LRMDA: variants seen among roughly 807,000 people sequenced by gnomAD.
The protein encoded by LRMDA is leucine-rich melanocyte differentiation-associated protein.
LRMDA carries 18 observed loss-of-function variants against 29.8 expected under a neutral mutation model. The observed-to-expected ratio is 0.60, with a 90% CI of 0.42 to 0.90. The LOEUF (loss-of-function observed/expected upper bound fraction) is 0.90, where lower values mean the gene tolerates loss of function less well. Ranked by LOEUF, LRMDA falls within the 40% of genes least tolerant of loss-of-function variation. The pLI is 0.00. For missense variants in LRMDA, 273 were observed against 273.9 expected (o/e 1.00, Z 0.02); for synonymous variants, 125 against 109.4 (o/e 1.14, Z -0.89).
In LRMDA at chr10:75,943,867, G is replaced by A. The variant is rs567492426; in HGVS notation, c.132-92141G>A. Among the ~76,000 whole-genome samples the A allele has an allele frequency of 3.3e-5, 5 of 152,288 alleles. No homozygotes were observed. In the South Asian group the frequency reaches 1.0e-3, roughly 32 times the overall value. Reference sequence around the variant, plus strand: ...CTATATGCTCATGCTGCATGTGGTTGTATGCTCTGCTCTGCTGTCTCACAT... The same window carrying A: ...CTATATGCTCATGCTGCATGTGGTTATATGCTCTGCTCTGCTGTCTCACAT... On this transcript the variant is annotated intron_variant, in intron 2 of 6. Transcript: ENST00000611255.
chr10:76,173,729 C>T (rs377392615), intron 5 of LRMDA, among the ~76,000 whole-genome samples: 5 of 152,078 alleles, frequency 3.3e-5, no homozygotes, highest in Non-Finnish European at 4.4e-5. Context: ...GGTGCCATCT[C>T]GGCTCACTAC....
intron 2 of LRMDA, among the ~76,000 whole-genome samples, chr10:76,022,529 C>G (rs1323833089): frequency 1.3e-5 from 2 of 152,134 alleles, no homozygotes; most frequent in African/African-American, 4.8e-5. Flanking sequence ...GGCCAAGGCA[C>G]CATATCAGGG....
At chr10:75,909,718 G>A (rs999479666) in intron 2 of LRMDA, among the ~76,000 whole-genome samples, 11 of 152,080 alleles carry the variant, frequency 7.2e-5, no homozygotes, top group African/African-American at 2.4e-4. Flanking sequence ...TAATAATAGT[G>A]CCTATATCCT....
intron 2 of LRMDA, among the ~76,000 whole-genome samples, chr10:75,665,013 C>T (rs111656872): frequency 2.0e-5 from 3 of 152,148 alleles, no homozygotes; most frequent in Non-Finnish European, 2.9e-5. Flanking sequence ...GTGACTTTCC[C>T]TGGCCCATCC....
intron 2 of LRMDA, among the ~76,000 whole-genome samples, chr10:75,917,066 T>C (rs1845946824): frequency 6.6e-6 from 1 of 152,200 alleles, no homozygotes; most frequent in Admixed American, 6.5e-5. Context: ...TACATAAACC[T>C]AGCAACAGTT....
At chr10:75,971,044 G>A (rs1052748924) in intron 2 of LRMDA, among the ~76,000 whole-genome samples, 7 of 152,156 alleles carry the variant, frequency 4.6e-5, no homozygotes, top group African/African-American at 1.4e-4. Context: ...GACAGTAAAT[G>A]TGAAAACCAG....
At chr10:76,134,299 T>A (rs1463413380) in intron 5 of LRMDA, among the ~76,000 whole-genome samples, 2 of 152,144 alleles carry the variant, frequency 1.3e-5, no homozygotes, top group Non-Finnish European at 2.9e-5. Flanking sequence ...GGCGGTGATA[T>A]TCATGGTTTT....
chr10:76,063,507 A>G (rs1042120530), intron 5 of LRMDA, among the ~76,000 whole-genome samples: 1 of 151,750 alleles, frequency 6.6e-6, no homozygotes, highest in African/African-American at 2.4e-5. Flanking sequence ...AGTTTGTTGT[A>G]GCTTGTATAT....
At chr10:76,487,109 G>A (rs1440265322) in intron 6 of LRMDA, among the ~76,000 whole-genome samples, 4 of 151,876 alleles carry the variant, frequency 2.6e-5, no homozygotes, top group Non-Finnish European at 5.9e-5. Flanking sequence ...TGAAAGTGTG[G>A]TTCATGATCC....
Position 75,467,381 on chromosome 10 carries a change from C to T in LRMDA, c.131+28887C>T, listed in dbSNP as rs78430036. Among the ~76,000 whole-genome samples the T allele has an allele frequency of 3.1e-3, 469 of 152,326 alleles. 6 individuals are homozygous for T. The South Asian group carries it at 0.031, about 10-fold the overall frequency. Reference sequence around the variant, plus strand: ...TGGCCCCTAGTTGTCTCTGTTTATTCAGAGAGCACACACTGAGTGTCTAAG... The same window carrying T: ...TGGCCCCTAGTTGTCTCTGTTTATTTAGAGAGCACACACTGAGTGTCTAAG... On this transcript the variant is annotated intron_variant, in intron 2 of 6. Transcript: ENST00000611255.
chr10:76,411,516 G>C (rs1163907532), intron 6 of LRMDA, among the ~76,000 whole-genome samples: 1 of 152,236 alleles, frequency 6.6e-6, no homozygotes, highest in African/African-American at 2.4e-5. Flanking sequence ...TCCCTAAAGG[G>C]ACAGTCCTAT....
intron 5 of LRMDA, among the ~76,000 whole-genome samples, chr10:76,065,141 C>T (rs575004588): frequency 5.9e-5 from 9 of 152,282 alleles, no homozygotes; most frequent in Non-Finnish European, 1.3e-4. Context: ...TCACAGTTTG[C>T]ACGTTCATTT....
chr10:75,939,765 G>A (rs892607438), intron 2 of LRMDA, among the ~76,000 whole-genome samples: 7 of 152,274 alleles, frequency 4.6e-5, no homozygotes, highest in African/African-American at 1.4e-4. Flanking sequence ...GGTGAACTAG[G>A]TAGGTATTTG....
intron 6 of LRMDA, among the ~76,000 whole-genome samples, chr10:76,531,980 T>C (rs1468054180): frequency 6.6e-6 from 1 of 152,210 alleles, no homozygotes; most frequent in Non-Finnish European, 1.5e-5. Flanking sequence ...CTTCAGGTTA[T>C]TCACTTCTTC....
rs190500053 is a variant in LRMDA, at chr10:76,537,455, T to C, written c.602-19754T>C. ...GTCAGAAGTCTGACCTTGGTCTTCA[T>C]TGAGCTAAAATTCAGGTGCCAATGG... On this transcript the variant is annotated intron_variant, in intron 6 of 6. Transcript: ENST00000611255. Among the ~76,000 whole-genome samples, 354 of 152,340 alleles carry C rather than the reference T, an allele frequency of 2.3e-3. 4 individuals carry two copies. Among genetic ancestry groups the C allele is most frequent in the African/African-American group, 8.0e-3 (333 of 41,576 alleles).
At chr10:76,080,066 C>T (rs927617737) in intron 5 of LRMDA, among the ~76,000 whole-genome samples, 1 of 152,118 alleles carries the variant, frequency 6.6e-6, no homozygotes, top group East Asian at 1.9e-4. Context: ...TCCTCCTCCT[C>T]CTCCCTTCCC....
chr10:76,323,569 G>A (rs113149292), intron 5 of LRMDA, among the ~76,000 whole-genome samples: 2,003 of 152,128 alleles, frequency 0.013, 44 homozygotes, highest in African/African-American at 0.046. Context: ...CTTGCTACTA[G>A]CAGCTACACT....
In LRMDA at chr10:75,744,629, G is replaced by A. The variant is rs146558601; in HGVS notation, c.132-291379G>A. On this transcript the variant is annotated intron_variant, in intron 2 of 6. Coordinates refer to ENST00000611255, the MANE Select transcript of LRMDA (RefSeq NM_001305581.2). ...AACCTGAGATGGAGACAGAAGGAGG[G>A]GACTTATTTAGGGTTTCTCACCCCA... Among the ~76,000 whole-genome samples, 391 of 152,192 alleles carry A rather than the reference G, an allele frequency of 2.6e-3. 6 individuals carry two copies. In the South Asian group the frequency reaches 0.034, roughly 13 times the overall value.
chr10:75,741,761 A>G (rs768540885), intron 2 of LRMDA, among the ~76,000 whole-genome samples: 2 of 152,164 alleles, frequency 1.3e-5, no homozygotes, highest in Non-Finnish European at 2.9e-5. Context: ...GTACATGTAG[A>G]GCACCTGCCG....
Sources: gnomAD v4.1 joint callset for allele counts (sites outside exome capture counted in the v4.1 genomes callset) on GRCh38, gnomAD v4.1.1 for gene constraint, MANE v1.5 for transcripts, NCBI Gene and HGNC (gene_info 2026-07-23, HGNC 2026-07-21) for gene names.